The following DNAH14 variants were observed in gnomAD, a reference collection of about 807,000 sequenced individuals.
DNAH14 encodes the protein axonemal beta dynein heavy chain 14.
Under a neutral mutation model 520.9 loss-of-function variants are expected in DNAH14, and 478 were observed. The observed-to-expected ratio is 0.92, with a 90% CI of 0.85 to 0.99. The LOEUF is 0.99. Among genes scored for constraint, DNAH14 ranks in the 50% least tolerant of loss-of-function variants. DNAH14 has a pLI of 0.00. For missense variants in DNAH14, 4,831 were observed against 5,234.5 expected, an observed-to-expected ratio of 0.92 and a Z score of 2.38; for synonymous variants, 1,581 against 1,757.2, an observed-to-expected ratio of 0.90 and a Z score of 2.51.
At chr1:225,082,477 A>AT (rs1347692978) in intron 19 of DNAH14, 72 bp from the exon 20 acceptor site, 1 of 1,195,786 alleles carries the variant, frequency 8.4e-7, no homozygotes, top group Non-Finnish European at 1.1e-6. Context: ...AAAAAATCTT[A>AT]TTTTCTCAAT....
In DNAH14 at chr1:225,172,172, A is replaced by C. The variant is rs191124467; in HGVS notation, c.5535+4144A>C. ...GCCAATATCATACTGAATGGACAAA[A>C]CCTGGAAGCATTCCCTTTGAAAACT... On this transcript the variant is annotated intron_variant, in intron 36 of 85. Coordinates refer to ENST00000682510, the MANE Select transcript of DNAH14 (RefSeq NM_001367479.1). 4.9e-3 allele frequency among the ~76,000 whole-genome samples: 751 copies of C among 152,238 alleles called. 4 individuals carry two copies. The highest frequency in any genetic ancestry group is 0.017 in the African/African-American group (702 of 41,530).
chr1:225,336,013 ATATATG>A (rs2095036304), intron 66 of DNAH14, among the ~76,000 whole-genome samples: 1 of 127,962 alleles, frequency 7.8e-6, no homozygotes, highest in Non-Finnish European at 1.6e-5. Flanking sequence ...ATGTATACGC[ATATATG>A]CATATATGTA....
At chr1:225,082,470 A>T in intron 19 of DNAH14, 79 bp from the exon 20 acceptor site, 1 of 1,157,756 alleles carries the variant, frequency 8.6e-7, no homozygotes, top group Non-Finnish European at 1.2e-6. Flanking sequence ...TTAAAGAAAA[A>T]AATCTTATTT....
At chr1:225,194,714 A>C (rs904371698) in intron 38 of DNAH14, among the ~76,000 whole-genome samples, 2 of 152,126 alleles carry the variant, frequency 1.3e-5, no homozygotes, top group Non-Finnish European at 2.9e-5. Context: ...AAGGCTATCA[A>C]CAGAATAAGC....
chr1:225,137,746 A>G (rs759038513), intron 27 of DNAH14, among the ~76,000 whole-genome samples: 1 of 152,178 alleles, frequency 6.6e-6, no homozygotes, highest in Non-Finnish European at 1.5e-5. Context: ...GTCAGGAGAA[A>G]GAGGATCAGG....
intron 11 of DNAH14, 104 bp downstream of exon 11, chr1:225,023,969 TCTC>T: frequency 6.9e-7 from 1 of 1,438,966 alleles, no homozygotes; most frequent in Non-Finnish European, 9.1e-7. Context: ...GTTTGAAAAT[TCTC>T]CTTGTGGCAG....
At chr1:225,389,109 C>T (rs1040178102) in intron 82 of DNAH14, among the ~76,000 whole-genome samples, 6 of 152,160 alleles carry the variant, frequency 3.9e-5, no homozygotes, top group African/African-American at 1.2e-4. Context: ...GCTGGAGAAG[C>T]GTTAGAGTAG....
intron 32 of DNAH14, 126 bp from the exon 33 acceptor site, chr1:225,152,570 TA>T: frequency 2.2e-6 from 2 of 903,478 alleles, no homozygotes; most frequent in Non-Finnish European, 3.2e-6. Flanking sequence ...AACTATCTTG[TA>T]AACTAATTTT....
rs777276982 is a variant in DNAH14 at position 225,152,784 on chromosome 1, T to A, written c.5097T>A (p.Ala1699=). The part of the protein sequence containing the change: ...AMMVPHYQMI[A]EIILFSFGFK... Reference sequence around the variant, plus strand: ...TGGTGCCCCATTATCAAATGATTGCTGAAATAATATTGTTTTCATTTGGTT... The same window carrying A: ...TGGTGCCCCATTATCAAATGATTGCAGAAATAATATTGTTTTCATTTGGTT... The change falls in exon 33 of 86, where the codon GCT becomes GCA. Residue 1699 remains alanine (A), a synonymous_variant. Coordinates refer to ENST00000682510, the MANE Select transcript of DNAH14 (RefSeq NM_001367479.1). 6.4e-7 allele frequency: 1 copy of A among 1,551,364 alleles called. No homozygotes were observed. The highest frequency in any genetic ancestry group is 1.4e-5 in the African/African-American group (1 of 73,042).
At chr1:224,946,010 C>T (rs60002937) in intron 1 of DNAH14, among the ~76,000 whole-genome samples, 5,101 of 152,330 alleles carry the variant, frequency 0.033, 15 homozygotes, top group African/African-American at 0.12. Flanking sequence ...CTACTCTCTT[C>T]AAAGCTGTCA....
intron 18 of DNAH14, 119 bp downstream of exon 18, chr1:225,079,667 G>GTAT (rs2148565317): frequency 2.2e-4 from 93 of 417,082 alleles, no homozygotes; most frequent in Non-Finnish European, 3.5e-4. Flanking sequence ...TTTAATACAA[G>GTAT]TATTCTTTTT....
chr1:225,251,015 GGT>G (rs1214650389), intron 43 of DNAH14, among the ~76,000 whole-genome samples: 1 of 151,958 alleles, frequency 6.6e-6, no homozygotes, highest in South Asian at 2.1e-4. Flanking sequence ...CCCAGTCTAT[GGT>G]ATTTTGTTAT....
intron 43 of DNAH14, among the ~76,000 whole-genome samples, chr1:225,244,382 G>C (rs1191922802): frequency 6.6e-6 from 1 of 152,150 alleles, no homozygotes; most frequent in Non-Finnish European, 1.5e-5. Context: ...GAGCTAGCAA[G>C]GAGTCCCTCT....
At chr1:225,312,087 G>A (rs1453242953) in intron 60 of DNAH14, among the ~76,000 whole-genome samples, 9 of 152,124 alleles carry the variant, frequency 5.9e-5, no homozygotes, top group Admixed American at 5.9e-4. Flanking sequence ...AGCATGGAAT[G>A]TTTTTCCGTT....
At chr1:225,389,946 C>T (rs12134158) in intron 83 of DNAH14, 73 bp downstream of exon 83, 779,618 of 1,352,916 alleles carry the variant, frequency 0.58, 231,788 homozygotes, top group East Asian at 0.74. Context: ...TGTCACTCAC[C>T]CTTTCCTCCT....
chr1:225,097,973 C>T (rs750507917), intron 22 of DNAH14, among the ~76,000 whole-genome samples: 4 of 152,066 alleles, frequency 2.6e-5, no homozygotes, highest in Non-Finnish European at 5.9e-5. Flanking sequence ...CCAAGATCAC[C>T]TGAGCACAGG....
chr1:225,176,549 C>CTATTACTGTATGTATGTAATACATACA (rs1559191032), intron 36 of DNAH14, among the ~76,000 whole-genome samples: 11 of 119,622 alleles, frequency 9.2e-5, no homozygotes, highest in African/African-American at 3.1e-4. Context: ...AAATTTCCTA[C>CTATTACTGTATGTATGTAATACATACA]TATTATTGTA....
chr1:224,994,172 A>G (rs1270894712), intron 8 of DNAH14, among the ~76,000 whole-genome samples: 3 of 151,960 alleles, frequency 2.0e-5, no homozygotes, highest in Non-Finnish European at 4.4e-5. Context: ...TAGATGCAAT[A>G]TTCTGTATTT....
At chr1:225,075,897 C>T (rs999740714) in intron 17 of DNAH14, among the ~76,000 whole-genome samples, 1 of 151,970 alleles carries the variant, frequency 6.6e-6, no homozygotes, top group African/African-American at 2.4e-5. Context: ...CTGGGAAAGC[C>T]CTTTACTAGT....
Sources: gnomAD v4.1 joint callset for allele counts (sites outside exome capture counted in the v4.1 genomes callset) on GRCh38, gnomAD v4.1.1 for gene constraint, MANE v1.5 for transcripts, NCBI Gene and HGNC (gene_info 2026-07-23, HGNC 2026-07-21) for gene names.